SLC35F3: variants seen among roughly 807,000 people sequenced by gnomAD.
SLC35F3 encodes the protein solute carrier family 35 member F3.
A neutral mutation model predicts 49.9 loss-of-function variants in SLC35F3; 25 were observed. The observed-to-expected ratio is 0.50, with a 90% CI of 0.37 to 0.70. The LOEUF is 0.70. Ranked by LOEUF, SLC35F3 falls within the 30% of genes least tolerant of loss-of-function variation. The pLI, the probability that SLC35F3 is intolerant of heterozygous loss-of-function variation, is 0.00. For missense variants in SLC35F3, 525 were observed against 639.8 expected (o/e 0.82, Z 1.94); for synonymous variants, 275 against 265.4 (o/e 1.04, Z -0.35).
At chr1:234,085,501 T>C (rs2102874668) in intron 2 of SLC35F3, among the ~76,000 whole-genome samples, 1 of 152,208 alleles carries the variant, frequency 6.6e-6, no homozygotes, top group East Asian at 1.9e-4. Context: ...TCTGAATGGA[T>C]TGGGATGTTA....
intron 2 of SLC35F3, among the ~76,000 whole-genome samples, chr1:234,013,351 G>A (rs989633722): frequency 6.6e-6 from 1 of 151,882 alleles, no homozygotes; most frequent in African/African-American, 2.4e-5. Flanking sequence ...GGAATTCTAA[G>A]GAGAAATTTT....
intron 3 of SLC35F3, among the ~76,000 whole-genome samples, chr1:234,267,532 A>G (rs1668008835): frequency 2.7e-5 from 4 of 146,832 alleles, no homozygotes; most frequent in East Asian, 2.1e-4. Context: ...TCCCTCCCGG[A>G]CGGGGCGGCT....
intron 2 of SLC35F3, among the ~76,000 whole-genome samples, chr1:234,093,979 C>T (rs898365299): frequency 6.6e-6 from 1 of 152,212 alleles, no homozygotes; most frequent in Admixed American, 6.5e-5. Flanking sequence ...CTGCAGCCAG[C>T]GCTGTCCAAG....
intron 2 of SLC35F3, among the ~76,000 whole-genome samples, chr1:233,935,173 C>G (rs1362014870): frequency 1.1e-5 from 1 of 87,058 alleles, no homozygotes; most frequent in Non-Finnish European, 2.3e-5. Flanking sequence ...TCACAATGAG[C>G]TGGGTTTTCC....
At chr1:233,961,947 G>A (rs1482508813) in intron 2 of SLC35F3, among the ~76,000 whole-genome samples, 3 of 152,154 alleles carry the variant, frequency 2.0e-5, no homozygotes, top group Non-Finnish European at 4.4e-5. Flanking sequence ...AACTTCTGGC[G>A]TGTTTTAATC....
In SLC35F3 at chr1:234,046,233, AT is replaced by A. The variant is rs375241019; in HGVS notation, c.283+140476del. ...ACACCAAATTAAATTTATTCTAGAAATGTGTAAGCAGTGTTTAAAGGCTCAC... is the reference window on the plus strand; with the variant it reads ...ACACCAAATTAAATTTATTCTAGAAAGTGTAAGCAGTGTTTAAAGGCTCAC... On this transcript the variant is annotated intron_variant, in intron 2 of 7. Transcript: ENST00000366618. The surrounding 1 kb of genome is among the most constrained non-coding windows in gnomAD (Gnocchi z 4.4). Among the ~76,000 whole-genome samples, 243 of 152,266 alleles carry A rather than the reference AT, an allele frequency of 1.6e-3. No individual in the cohort carries two copies. The highest frequency in any genetic ancestry group is 6.8e-3 in the Middle Eastern group (2 of 294).
rs1667337790 is a variant in SLC35F3 at position 234,229,716 on chromosome 1, C to CCT, written c.284-1698_284-1697dup. ...ACAGTGATGCTAATAGTGACAAACC[C>CCT]CTCTAACCTCCAACACTCCTTGCAA... is the stretch of plus-strand genomic sequence containing the variant. On this transcript the variant is annotated intron_variant, in intron 2 of 7. Transcript: ENST00000366618. 1.3e-5 allele frequency among the ~76,000 whole-genome samples: 2 copies of CCT among 152,136 alleles called. 1 individual carries two copies. The highest frequency in any genetic ancestry group is 2.9e-5 in the Non-Finnish European group (2 of 68,028).
At chr1:234,164,098 CTCTT>C (rs1465558056) in intron 2 of SLC35F3, among the ~76,000 whole-genome samples, 4 of 151,320 alleles carry the variant, frequency 2.6e-5, no homozygotes, top group Admixed American at 6.6e-5. Flanking sequence ...CTCCCTCTCT[CTCTT>C]TCTCTCTCTC....
chr1:234,078,151 C>G (rs1221789806), intron 2 of SLC35F3, among the ~76,000 whole-genome samples: 1 of 152,178 alleles, frequency 6.6e-6, no homozygotes, highest in East Asian at 1.9e-4. Context: ...GTGCATTCAT[C>G]TTTTTCCTTT....
chr1:234,262,239 C>T (rs1053539900), intron 3 of SLC35F3, among the ~76,000 whole-genome samples: 2 of 151,778 alleles, frequency 1.3e-5, no homozygotes, highest in African/African-American at 4.8e-5. Flanking sequence ...AGAAGGATAA[C>T]GTTGGACTAG....
intron 2 of SLC35F3, among the ~76,000 whole-genome samples, chr1:233,981,418 C>G (rs1663181906): frequency 6.6e-6 from 1 of 152,138 alleles, no homozygotes. Flanking sequence ...ATCGTATAAT[C>G]TCATCTTCTG....
chr1:234,140,002 A>AATAAAATAAAATAAAATAAAATAAAT, intron 2 of SLC35F3, among the ~76,000 whole-genome samples: 1 of 105,366 alleles, frequency 9.5e-6, no homozygotes. Flanking sequence ...AATAAAATAA[A>AATAAAATAAAATAAAATAAAATAAAT]GTAAGTGACT....
At chr1:233,964,366 G>C (rs1455411281) in intron 2 of SLC35F3, among the ~76,000 whole-genome samples, 2 of 152,008 alleles carry the variant, frequency 1.3e-5, no homozygotes, top group Non-Finnish European at 2.9e-5. Flanking sequence ...GAAGGTTTCA[G>C]AGTGCACCCT....
At chr1:234,275,331 T>TC (rs1386345050) in intron 3 of SLC35F3, among the ~76,000 whole-genome samples, 8 of 144,744 alleles carry the variant, frequency 5.5e-5, no homozygotes, top group Admixed American at 6.8e-5. Flanking sequence ...CATCCCAAAA[T>TC]CCCAAAAAAA....
chr1:234,196,873 C>T (rs758076061), intron 2 of SLC35F3, among the ~76,000 whole-genome samples: 5 of 151,996 alleles, frequency 3.3e-5, no homozygotes, highest in Admixed American at 3.3e-4. Context: ...ACCTGGGAGG[C>T]GGAGGTTGCA....
intron 2 of SLC35F3, among the ~76,000 whole-genome samples, chr1:234,107,732 AAAG>A (rs1308398290): frequency 1.3e-5 from 2 of 152,156 alleles, no homozygotes; most frequent in African/African-American, 4.8e-5. Context: ...CTCAGCTATA[AAAG>A]AAGTTTTACA....
chr1:233,982,350 T>G (rs950721231), intron 2 of SLC35F3, among the ~76,000 whole-genome samples: 3 of 152,092 alleles, frequency 2.0e-5, no homozygotes, highest in African/African-American at 7.2e-5. Context: ...ACTGTTCAGT[T>G]TGAGAGGTTT....
intron 2 of SLC35F3, among the ~76,000 whole-genome samples, chr1:233,907,517 T>A (rs1448330034): frequency 2.0e-5 from 3 of 152,234 alleles, no homozygotes; most frequent in Non-Finnish European, 4.4e-5. Context: ...ACAGTGATCA[T>A]TGAAATATGA....
At chr1:234,068,493 G>A (rs1022491929) in intron 2 of SLC35F3, among the ~76,000 whole-genome samples, 11 of 152,190 alleles carry the variant, frequency 7.2e-5, no homozygotes, top group Non-Finnish European at 1.2e-4. Context: ...AAGTAGCTGG[G>A]ACTACAGGCG....
Sources: allele counts gnomAD v4.1 joint callset (sites outside exome capture counted in the v4.1 genomes callset), GRCh38; gene constraint gnomAD v4.1.1; non-coding constraint Gnocchi (gnomAD v3.1); transcripts MANE v1.5; gene names NCBI Gene and HGNC (gene_info 2026-07-23, HGNC 2026-07-21).